NBAS: variants seen among roughly 807,000 people sequenced by gnomAD.
NBAS encodes the protein NAG/BC035112 fusion.
Under a neutral mutation model 302.5 loss-of-function variants are expected in NBAS, and 219 were observed. The observed-to-expected ratio is 0.72, with a 90% CI of 0.65 to 0.81. The LOEUF (loss-of-function observed/expected upper bound fraction) is 0.81. Ranked by LOEUF, NBAS falls within the 30% of genes least tolerant of loss-of-function variation. NBAS has a pLI of 0.00. For missense variants in NBAS, 2,932 were observed against 2,841.6 expected, an observed-to-expected ratio of 1.03 and a Z score of -0.72; for synonymous variants, 1,118 against 1,021.6, an observed-to-expected ratio of 1.09 and a Z score of -1.80.
At chr2:15,073,337 G>A in the NBAS span, among the ~76,000 whole-genome samples, 32 of 151,790 alleles carry the variant, frequency 2.1e-4, no homozygotes, top group African/African-American at 6.3e-4. Flanking sequence ...AAATTAGCTG[G>A]GCGTGGTGGC....
intron 40 of NBAS, among the ~76,000 whole-genome samples, chr2:15,298,895 T>C (rs958181113): frequency 6.6e-6 from 1 of 152,166 alleles, no homozygotes; most frequent in Non-Finnish European, 1.5e-5. Context: ...TCCGGAGCTG[T>C]AGTCTTGCAG....
chr2:15,004,310 G>A, the NBAS span, among the ~76,000 whole-genome samples: 3 of 152,070 alleles, frequency 2.0e-5, no homozygotes, highest in Admixed American at 6.5e-5. Context: ...TACAGTTTCG[G>A]GAAATTTTTA....
chr2:15,053,876 C>T, the NBAS span, among the ~76,000 whole-genome samples: 1 of 151,788 alleles, frequency 6.6e-6, no homozygotes, highest in African/African-American at 2.4e-5. Flanking sequence ...GAGTAGGCAC[C>T]TCTTCTTTCT....
chr2:15,348,163 T>C (rs771655344), intron 35 of NBAS, among the ~76,000 whole-genome samples: 14 of 152,222 alleles, frequency 9.2e-5, no homozygotes, highest in Admixed American at 7.2e-4. Flanking sequence ...CATTCTGAAA[T>C]GTGCCTCATA....
the NBAS span, among the ~76,000 whole-genome samples, chr2:15,085,280 A>G: frequency 6.6e-6 from 1 of 152,024 alleles, no homozygotes; most frequent in Non-Finnish European, 1.5e-5. Context: ...CCAGTGGTGC[A>G]GCCACTGGGC....
At chr2:15,183,453 C>T (rs905870743) in intron 50 of NBAS, among the ~76,000 whole-genome samples, 1 of 152,144 alleles carries the variant, frequency 6.6e-6, no homozygotes, top group Non-Finnish European at 1.5e-5. Context: ...GGGATTTAAC[C>T]CAGTACCTTG....
chr2:15,325,393 C>T (rs1672017843), intron 38 of NBAS, among the ~76,000 whole-genome samples: 1 of 148,066 alleles, frequency 6.8e-6, no homozygotes, highest in South Asian at 2.1e-4. Context: ...AAAAAAAAAG[C>T]TAATAATCAT....
chr2:15,270,089 G>A (rs1669247077), intron 44 of NBAS, among the ~76,000 whole-genome samples: 1 of 152,178 alleles, frequency 6.6e-6, no homozygotes, highest in African/African-American at 2.4e-5. Context: ...CTGTCTTGGA[G>A]ATATAGTTGT....
At chr2:15,431,077 G>A (rs1335396005) in intron 21 of NBAS, among the ~76,000 whole-genome samples, 1 of 151,938 alleles carries the variant, frequency 6.6e-6, no homozygotes. Flanking sequence ...AAAGTGCTGG[G>A]ATTACAGGCG....
At chr2:15,189,402 C>T (rs6736969) in intron 49 of NBAS, among the ~76,000 whole-genome samples, 43,089 of 152,058 alleles carry the variant, frequency 0.28, 6,712 homozygotes, top group African/African-American at 0.42. Flanking sequence ...AGAAAAGCAT[C>T]CTTCTTTAAC....
chr2:15,328,755 G>A (rs1672190899), intron 36 of NBAS, among the ~76,000 whole-genome samples: 1 of 152,182 alleles, frequency 6.6e-6, no homozygotes, highest in African/African-American at 2.4e-5. Context: ...ACTAAACTAT[G>A]TGGAACATCA....
intron 21 of NBAS, among the ~76,000 whole-genome samples, chr2:15,444,236 C>T (rs1678601918): frequency 6.6e-6 from 1 of 152,054 alleles, no homozygotes; most frequent in Admixed American, 6.6e-5. Context: ...AGGCATCATA[C>T]TACCTGACTT....
chr2:14,847,491 T>C, the NBAS span, among the ~76,000 whole-genome samples: 3 of 149,484 alleles, frequency 2.0e-5, no homozygotes, highest in Admixed American at 1.3e-4. Context: ...CCTATACTTA[T>C]GTCAACAACA....
chr2:15,265,214 G>A (rs760863087), intron 44 of NBAS, among the ~76,000 whole-genome samples: 57 of 152,246 alleles, frequency 3.7e-4, no homozygotes, highest in Middle Eastern at 6.8e-3. Context: ...TCTCTTTTCA[G>A]TTCCTTTAGC....
intron 9 of NBAS, among the ~76,000 whole-genome samples, chr2:15,524,935 T>C (rs1434363240): frequency 6.6e-6 from 1 of 152,176 alleles, no homozygotes; most frequent in Non-Finnish European, 1.5e-5. Context: ...GCCTGTTTCC[T>C]TCCCTCAACC....
chr2:15,253,165 T>C (rs752491258), intron 44 of NBAS, among the ~76,000 whole-genome samples: 2 of 152,160 alleles, frequency 1.3e-5, no homozygotes, highest in Non-Finnish European at 2.9e-5. Flanking sequence ...CAGGATATAA[T>C]ATATTCTCAC....
chr2:15,397,194 T>C (rs1675905541), intron 26 of NBAS, among the ~76,000 whole-genome samples: 2 of 152,160 alleles, frequency 1.3e-5, no homozygotes, highest in Non-Finnish European at 2.9e-5. Context: ...TACAGGGATA[T>C]GGTGAAAAAG....
intron 21 of NBAS, among the ~76,000 whole-genome samples, chr2:15,444,805 C>T (rs960844102): frequency 6.6e-6 from 1 of 151,968 alleles, no homozygotes; most frequent in Non-Finnish European, 1.5e-5. Context: ...AACAAATTTA[C>T]AAGAAAAAAA....
At chr2:15,133,643 C>G in the NBAS span, among the ~76,000 whole-genome samples, 1 of 152,108 alleles carries the variant, frequency 6.6e-6, no homozygotes, top group Non-Finnish European at 1.5e-5. Context: ...CAATGGGGAA[C>G]TACTGGAGGA....
Sources: allele counts gnomAD v4.1 joint callset (sites outside exome capture counted in the v4.1 genomes callset), GRCh38; gene constraint gnomAD v4.1.1; transcripts MANE v1.5; gene names NCBI Gene and HGNC (gene_info 2026-07-23, HGNC 2026-07-21).